Variants in MEGF11 observed in about 807,000 individuals in gnomAD.
The protein encoded by MEGF11 is multiple epidermal growth factor-like domains protein 11.
MEGF11 carries 126 observed loss-of-function variants against 146.6 expected under a neutral mutation model. The observed-to-expected ratio is 0.86, with a 90% CI of 0.74 to 1.00. The LOEUF is 1.00. Ranked by LOEUF, MEGF11 falls within the 50% of genes least tolerant of loss-of-function variation. The pLI, the probability that MEGF11 is intolerant of heterozygous loss-of-function variation, is 0.00. For synonymous variants in MEGF11, 532 were observed against 583.4 expected, an observed-to-expected ratio of 0.91 and a Z score of 1.27; for missense variants, 1,509 against 1,521.2, an observed-to-expected ratio of 0.99 and a Z score of 0.13.
chr15:66,123,726 A>G (rs1157780365), intron 3 of MEGF11, among the ~76,000 whole-genome samples, 173 bp downstream of exon 3: 1 of 152,156 alleles, frequency 6.6e-6, no homozygotes, highest in Non-Finnish European at 1.5e-5. Context: ...GCTGGCCTGT[A>G]CTACCCGCAA....
At chr15:66,202,484 A>G (rs990672669) in intron 1 of MEGF11, among the ~76,000 whole-genome samples, 1 of 152,150 alleles carries the variant, frequency 6.6e-6, no homozygotes, top group Admixed American at 6.5e-5. Flanking sequence ...CTCTGGAGGG[A>G]AGGAGCATGC....
At chr15:65,991,222 G>T (rs1416220259) in intron 5 of MEGF11, among the ~76,000 whole-genome samples, 3 of 152,218 alleles carry the variant, frequency 2.0e-5, no homozygotes, top group African/African-American at 7.2e-5. Flanking sequence ...GGAGGAGTGA[G>T]CACACGCACG....
intron 5 of MEGF11, among the ~76,000 whole-genome samples, chr15:66,019,999 G>A (rs1443897218): frequency 6.6e-6 from 1 of 152,218 alleles, no homozygotes; most frequent in Non-Finnish European, 1.5e-5. Flanking sequence ...AGGTGGGGTT[G>A]TGATGGAGCT....
chr15:65,999,214 G>A (rs1186402888), intron 5 of MEGF11, among the ~76,000 whole-genome samples: 1 of 151,662 alleles, frequency 6.6e-6, no homozygotes, highest in Non-Finnish European at 1.5e-5. Flanking sequence ...TTTAATTGTA[G>A]AGATGGGGTC....
At chr15:65,909,678 C>T in intron 22 of MEGF11, 62 bp downstream of exon 22, 1 of 1,467,430 alleles carries the variant, frequency 6.8e-7, no homozygotes, top group Non-Finnish European at 9.2e-7. Flanking sequence ...GGGTGCTTCT[C>T]AATATGGAAG....
chr15:66,192,239 G>A (rs1025937730), intron 1 of MEGF11, among the ~76,000 whole-genome samples: 3 of 151,856 alleles, frequency 2.0e-5, no homozygotes, highest in Non-Finnish European at 4.4e-5. Flanking sequence ...AGGCCGAGGC[G>A]GGGAGATCAC....
chr15:66,217,114 A>G (rs1041481396), intron 1 of MEGF11, among the ~76,000 whole-genome samples: 1 of 151,412 alleles, frequency 6.6e-6, no homozygotes, highest in Non-Finnish European at 1.5e-5. Context: ...ATCTTGCTGC[A>G]TGAGATCTCC....
chr15:66,247,509 T>G (rs1056651890), intron 1 of MEGF11, among the ~76,000 whole-genome samples: 2 of 152,298 alleles, frequency 1.3e-5, no homozygotes, highest in East Asian at 3.9e-4. Context: ...CAACCACTGT[T>G]AGTTACTCCT....
chr15:65,933,418 G>A (rs570685477), intron 10 of MEGF11, among the ~76,000 whole-genome samples: 16 of 152,312 alleles, frequency 1.1e-4, no homozygotes, highest in African/African-American at 3.4e-4. Flanking sequence ...AAGGCCTCAG[G>A]TTGCCTGTGA....
chr15:66,222,110 C>T (rs191123177), intron 1 of MEGF11, among the ~76,000 whole-genome samples: 236 of 152,296 alleles, frequency 1.5e-3, no homozygotes, highest in Non-Finnish European at 2.5e-3. Flanking sequence ...CCCGGTACCA[C>T]AGCAGCAGCT....
chr15:66,194,564 C>A (rs999304039), intron 1 of MEGF11, among the ~76,000 whole-genome samples: 1 of 151,760 alleles, frequency 6.6e-6, no homozygotes, highest in Non-Finnish European at 1.5e-5. Context: ...GCCAAGATGG[C>A]ACCACTGCAC....
At chr15:66,117,619 G>A (rs1017204416) in intron 4 of MEGF11, among the ~76,000 whole-genome samples, 4 of 152,168 alleles carry the variant, frequency 2.6e-5, no homozygotes, top group South Asian at 2.1e-4. Flanking sequence ...CTGAGCTTGC[G>A]CGGGCCGCTT....
chr15:66,012,748 G>C (rs1339298783), intron 5 of MEGF11, among the ~76,000 whole-genome samples: 1 of 152,212 alleles, frequency 6.6e-6, no homozygotes, highest in Non-Finnish European at 1.5e-5. Flanking sequence ...TGAAGCACCT[G>C]CCCTCTGCTC....
At chr15:66,220,032 G>T (rs1323916653) in intron 1 of MEGF11, among the ~76,000 whole-genome samples, 1 of 152,052 alleles carries the variant, frequency 6.6e-6, no homozygotes, top group Non-Finnish European at 1.5e-5. Context: ...GATTAGGGTG[G>T]GCCCTAAATC....
chr15:66,209,073 CG>C (rs2091375812), intron 1 of MEGF11, among the ~76,000 whole-genome samples: 1 of 151,938 alleles, frequency 6.6e-6, no homozygotes, highest in African/African-American at 2.4e-5. Context: ...ACATGCAGGC[CG>C]GGCACGGTGT....
At chr15:66,050,898 G>T (rs1597031094) in intron 5 of MEGF11, among the ~76,000 whole-genome samples, 1 of 152,364 alleles carries the variant, frequency 6.6e-6, no homozygotes, top group South Asian at 2.1e-4. Context: ...CCCTCTGGGG[G>T]TTTAAAGCCT....
chr15:65,950,423 A>G lies in MEGF11; in HGVS notation c.1287+7124T>C, dbSNP rs1171351705. ...AACATGGCAAAACCCCATCTCTACA[A>G]AAAAATCAGCTGGGCATGATGGCGT... On this transcript the variant is annotated intron_variant, in intron 10 of 25. Transcript: ENST00000395614. Among the ~76,000 whole-genome samples, 4 of 152,090 alleles carry G rather than the reference A, an allele frequency of 2.6e-5. No homozygotes were observed. In the East Asian group the frequency reaches 5.8e-4, roughly 22 times the overall value.
intron 5 of MEGF11, among the ~76,000 whole-genome samples, chr15:66,083,647 C>A (rs2085986586): frequency 6.6e-6 from 1 of 151,468 alleles, no homozygotes; most frequent in Admixed American, 6.6e-5. Context: ...AAAAAAAAAA[C>A]TTTTATATAT....
chr15:65,966,291 T>C (rs1010630710), intron 8 of MEGF11, among the ~76,000 whole-genome samples: 6 of 152,232 alleles, frequency 3.9e-5, no homozygotes, highest in African/African-American at 1.4e-4. Flanking sequence ...ACCTTGTTTT[T>C]AAAAGATATT....
Sources: allele counts gnomAD v4.1 joint callset (sites outside exome capture counted in the v4.1 genomes callset), GRCh38; gene constraint gnomAD v4.1.1; transcripts MANE v1.5; gene names NCBI Gene and HGNC (gene_info 2026-07-23, HGNC 2026-07-21).